SELENOP: variants seen among roughly 807,000 people sequenced by gnomAD.
SELENOP encodes the protein selenoprotein P, plasma, 1.
A neutral mutation model predicts 41.0 loss-of-function variants in SELENOP; 36 were observed. That is an observed-to-expected ratio of 0.88 (90% CI 0.67 to 1.16). The LOEUF (loss-of-function observed/expected upper bound fraction) is 1.16, where lower values mean the gene tolerates loss of function less well. Ranked by LOEUF, SELENOP falls within the 50% of genes most tolerant of loss-of-function variation. SELENOP has a pLI of 0.00. For synonymous variants in SELENOP, 144 were observed against 150.8 expected (o/e 0.95, Z 0.33); for missense variants, 440 against 454.2 (o/e 0.97, Z 0.28).
chr5:42,810,303 A>G (rs967498894), intron 1 of SELENOP, among the ~76,000 whole-genome samples: 3 of 152,230 alleles, frequency 2.0e-5, no homozygotes, highest in Non-Finnish European at 4.4e-5. Context: ...ATGCCAAAGA[A>G]AACATAAAAA....
chr5:42,807,231 T>C (rs1004780712), intron 2 of SELENOP, 123 bp from the exon 3 acceptor site: 2 of 538,444 alleles, frequency 3.7e-6, no homozygotes, highest in African/African-American at 3.7e-5. Flanking sequence ...TAACCCATAC[T>C]GCACCTATTC....
At position 42,809,699 on chromosome 5, in the gene SELENOP, T is replaced by TA. The variant is rs1414468957; in HGVS notation, c.-13-1334dup. 5.9e-6 allele frequency: 3 copies of TA among 504,404 alleles called. No homozygotes were observed. The East Asian group carries it at 4.5e-4, about 76-fold the overall frequency. The allele number at this position is 504,404 out of a possible 1,614,324, so 31.2% of individuals were successfully genotyped here. A position where few individuals can be genotyped will look rare whatever the true frequency, so the allele number is the denominator to read the frequency against. On this transcript the variant is annotated intron_variant, in intron 1 of 4. Transcript: ENST00000514985. ...ATCTGGGCTTTAATGCACTGGTAGA[T>TA]ATAGATAGAATTTTTAACCCTGATT...
In SELENOP at chr5:42,806,880, G is replaced by A; in HGVS notation, c.416+16C>T. 2 of 1,451,050 alleles carry A rather than the reference G, an allele frequency of 1.4e-6. No individual in the cohort carries two copies. Among genetic ancestry groups the A allele is most frequent in the South Asian group, 2.4e-5 (2 of 83,116 alleles). The allele number at this position is 1,451,050 out of a possible 1,614,324, so 89.9% of individuals were successfully genotyped here. ...TTATTTTTAAATTTGGGATGTGTTT[G>A]TGTGTATGTACAAACCTATCATATA... On this transcript the variant is annotated intron_variant, in intron 3 of 4. Transcript: ENST00000514985.
intron 3 of SELENOP, 44 bp from the exon 4 acceptor site, chr5:42,804,817 A>G: frequency 8.2e-7 from 1 of 1,226,116 alleles, no homozygotes; most frequent in South Asian, 1.3e-5. Context: ...TATTTTCTGT[A>G]TCACGATCCT....
intron 1 of SELENOP, chr5:42,810,836 T>C (rs1391273594): frequency 2.1e-6 from 2 of 967,082 alleles, no homozygotes; most frequent in African/African-American, 3.5e-5. Flanking sequence ...TTTAGGTTTA[T>C]GATGAAAAAA....
At chr5:42,807,596 A>G (rs1760360769) in intron 2 of SELENOP, 2 of 155,782 alleles carry the variant, frequency 1.3e-5, no homozygotes, top group Non-Finnish European at 2.9e-5. Context: ...TGCATAGGTT[A>G]TACATGCCAT....
Position 42,804,710 on chromosome 5 carries a change from T to C in SELENOP, c.480A>G (p.Glu160=). 6.2e-7 allele frequency: 1 copy of C among 1,611,934 alleles called. No individual in the cohort carries two copies. Among genetic ancestry groups the C allele is most frequent in the Non-Finnish European group, 8.5e-7 (1 of 1,178,554 alleles). Residue 160 remains glutamate, a synonymous_variant, in exon 4 of 5, where the codon GAA becomes GAG. Coordinates refer to ENST00000514985, the MANE Select transcript of SELENOP (RefSeq NM_005410.4). ...CACAGTAAGCAATCTTAATGGCTTC[T>C]TCTACATATGGGAAAGTTAGGAAGG... ...PFSFLTFPYV[E]EAIKIAYCEK...
Position 42,799,929 on chromosome 5 carries a change from C to G in SELENOP, c.*791G>C, listed in dbSNP as rs1248838326. 1.1e-6 allele frequency: 1 copy of G among 869,888 alleles called. No individual in the cohort carries two copies. Among genetic ancestry groups the G allele is most frequent in the African/African-American group, 1.7e-5 (1 of 58,000 alleles). 53.9% of individuals were successfully genotyped at this position (869,888 alleles called of 1,614,324 possible). On this transcript the variant is annotated 3_prime_UTR_variant, in exon 5 of 5. Transcript: ENST00000514985. ...TTATTTGGACAAATCCGTACTGTAT[C>G]CAATTCTGTACTGCATTCTTGCTTA...
chr5:42,805,417 G>T (rs573109564), intron 3 of SELENOP: 3 of 152,238 alleles, frequency 2.0e-5, no homozygotes, highest in Non-Finnish European at 4.4e-5. Flanking sequence ...AGGCCTAAAA[G>T]AATGAAATGT....
At chr5:42,807,903 G>A in intron 2 of SELENOP, 2 of 255,242 alleles carry the variant, frequency 7.8e-6, no homozygotes, top group East Asian at 1.4e-4. Context: ...TACATATTTA[G>A]TAGGAAGTTA....
In SELENOP at chr5:42,808,164, G is replaced by A. The variant is rs1177743882; in HGVS notation, c.190C>T (p.Leu64=). Residue 64 remains leucine, a synonymous_variant, in exon 2 of 5, where the codon CTG becomes TTG. Coordinates refer to ENST00000514985, the MANE Select transcript of SELENOP (RefSeq NM_005410.4). Reference sequence around the variant, plus strand: ...AGACTGTCTTACTTAGATGCCTGCAGTATGCACAGGTATCAGCTGGCTTGA... The same window carrying A: ...AGACTGTCTTACTTAGATGCCTGCAATATGCACAGGTATCAGCTGGCTTGA... ...LLQASUYLCI[L]QASKLEDLRV... 4.6e-6 allele frequency: 7 copies of A among 1,525,528 alleles called. No individual in the cohort carries two copies. The highest frequency in any genetic ancestry group is 4.4e-6 in the Non-Finnish European group (5 of 1,137,704). 94.5% of individuals were successfully genotyped at this position (1,525,528 alleles called of 1,614,324 possible).
At chr5:42,808,894 TG>T (rs1270538963) in intron 1 of SELENOP, among the ~76,000 whole-genome samples, 1 of 146,602 alleles carries the variant, frequency 6.8e-6, no homozygotes, top group Non-Finnish European at 1.5e-5. Flanking sequence ...CACTCCAGCC[TG>T]GGCGACAGAA....
chr5:42,805,443 T>C (rs1760311687), intron 3 of SELENOP: 1 of 152,150 alleles, frequency 6.6e-6, no homozygotes, highest in Admixed American at 6.5e-5. Context: ...TTTAAAAATT[T>C]AGTGTAAGAC....
rs1350125767 is a variant in SELENOP, at chr5:42,808,232, G to A, written c.122C>T (p.Pro41Leu). 6.3e-7 allele frequency: 1 copy of A among 1,583,372 alleles called. No individual in the cohort carries two copies. The highest frequency in any genetic ancestry group is 1.8e-5 in the Admixed American group (1 of 55,904). The change falls in exon 2 of 5, where the codon CCA becomes CTA. Residue 41 changes from proline (P) to leucine (L), a missense_variant. Transcript: ENST00000514985. Reference sequence around the variant, plus strand: ...CACTGAACCATTGGAGTTTAGCATTGGATCTTGATCTCTTATGCTCCAGGC... The same window carrying A: ...CACTGAACCATTGGAGTTTAGCATTAGATCTTGATCTCTTATGCTCCAGGC... ...PPAWSIRDQDPMLNSNGSVTV... is the reference protein window; with the variant it reads ...PPAWSIRDQDLMLNSNGSVTV...
intron 4 of SELENOP, among the ~76,000 whole-genome samples, chr5:42,803,513 A>G (rs1487501359): frequency 6.6e-6 from 1 of 152,188 alleles, no homozygotes; most frequent in African/African-American, 2.4e-5. Flanking sequence ...TAACAACTAA[A>G]TTAATTAATT....
At chr5:42,809,893 TAAG>T (rs4041460) in intron 1 of SELENOP, 103,319 of 198,074 alleles carry the variant, frequency 0.52, 28,556 homozygotes, top group Admixed American at 0.6. Context: ...TCTAATATTT[TAAG>T]AAGAAGAAGA....
At chr5:42,804,795 A>G in intron 3 of SELENOP, 22 bp from the exon 4 acceptor site, 1 of 1,340,402 alleles carries the variant, frequency 7.5e-7, no homozygotes, top group Admixed American at 1.7e-5. Context: ...GACAAATACA[A>G]TGTCACTATA....
rs1039006011 is a variant in SELENOP at position 42,800,044 on chromosome 5, T to A, written c.*676A>T. On this transcript the variant is annotated 3_prime_UTR_variant, in exon 5 of 5. Transcript: ENST00000514985. ...CTATGGAAATACTTACTAAGCAATATAGAGACAGACAATATTATCTTTCCC... is the reference window on the plus strand; with the variant it reads ...CTATGGAAATACTTACTAAGCAATAAAGAGACAGACAATATTATCTTTCCC... The A allele has an allele frequency of 4.5e-5, 16 of 358,936 alleles. No homozygotes were observed. The highest frequency in any genetic ancestry group is 3.4e-4 in the African/African-American group (16 of 47,032). 22.2% of individuals were successfully genotyped at this position (358,936 alleles called of 1,614,324 possible).
Position 42,800,896 on chromosome 5 carries a change from G to C in SELENOP, c.970C>G (p.Leu324Val), listed in dbSNP as rs1760176341. 1 of 1,614,118 alleles carries C rather than the reference G, an allele frequency of 6.2e-7. No homozygotes were observed. Among genetic ancestry groups the C allele is most frequent in the Non-Finnish European group, 8.5e-7 (1 of 1,180,002 alleles). Residue 324 changes from leucine to valine, a missense_variant, in exon 5 of 5, where the codon CTC (leucine) becomes GTC (valine). Coordinates refer to ENST00000514985, the MANE Select transcript of SELENOP (RefSeq NM_005410.4). ...CCCTGTCAGCTACATAAAGATGGGA[G>C]GTTTTCTTTACACTGTCAGGTGATT... The part of the protein sequence containing the change: ...SAITUQCKEN[L>V]PSLCSUQGLR...
Sources: allele counts gnomAD v4.1 joint callset (sites outside exome capture counted in the v4.1 genomes callset), GRCh38; gene constraint gnomAD v4.1.1; transcripts MANE v1.5; gene names NCBI Gene and HGNC (gene_info 2026-07-23, HGNC 2026-07-21).